PTPN3: variants seen among roughly 807,000 people sequenced by gnomAD.
PTPN3 encodes tyrosine-protein phosphatase non-receptor type 3.
In PTPN3, 96 loss-of-function variants were observed where a neutral mutation model predicts 132.7. The observed-to-expected ratio is 0.72, with a 90% confidence interval of 0.61 to 0.86. The LOEUF is 0.86. PTPN3 is among the 40% of genes least tolerant of loss of function. The pLI, the probability that PTPN3 is intolerant of heterozygous loss-of-function variation, is 0.00. For synonymous variants in PTPN3, 398 were observed against 429.0 expected, an observed-to-expected ratio of 0.93 and a Z score of 0.89; for missense variants, 1,125 against 1,159.6, an observed-to-expected ratio of 0.97 and a Z score of 0.43.
In PTPN3 at chr9:109,381,977, A is replaced by G. The variant is rs1188769490; in HGVS notation, c.2529-190T>C. On this transcript the variant is annotated intron_variant, in intron 24 of 25. Coordinates refer to ENST00000374541, the MANE Select transcript of PTPN3 (RefSeq NM_002829.4). The stretch of plus-strand genomic sequence containing the variant: ...CCTCACACATCTGAGACTGGGGGCT[A>G]GCAGGCAGTGGAAAGAGGGCCACTG... Among the ~76,000 whole-genome samples the G allele has an allele frequency of 2.0e-5, 3 of 152,352 alleles. No individual in the cohort carries two copies. In the East Asian group the frequency reaches 5.8e-4, roughly 29 times the overall value.
chr9:109,438,947 G>A (rs781481783), intron 7 of PTPN3, among the ~76,000 whole-genome samples: 1 of 152,198 alleles, frequency 6.6e-6, no homozygotes, highest in Non-Finnish European at 1.5e-5. Context: ...AATCACATTA[G>A]GGACCTGCAG....
At chr9:109,391,704 A>C (rs764380869) in intron 19 of PTPN3, 143 bp from the exon 20 acceptor site, 18 of 634,938 alleles carry the variant, frequency 2.8e-5, no homozygotes, top group Non-Finnish European at 3.8e-5. Context: ...TCTTCCCAAT[A>C]AGAAATTCTA....
intron 1 of PTPN3, among the ~76,000 whole-genome samples, chr9:109,494,987 T>C (rs1847614943): frequency 6.6e-6 from 1 of 152,102 alleles, no homozygotes; most frequent in South Asian, 2.1e-4. Context: ...TAGAACCCAT[T>C]ACCAAATCAG....
chr9:109,511,403 G>C, the PTPN3 span: 1 of 153,004 alleles, frequency 6.5e-6, no homozygotes, highest in African/African-American at 2.4e-5. Context: ...TGACTCTCTG[G>C]TGTCTACACT....
chr9:109,488,075 G>C lies in PTPN3; in HGVS notation c.-18+10144C>G, dbSNP rs142220049. On this transcript the variant is annotated intron_variant, in intron 1 of 25. Coordinates refer to ENST00000374541, the MANE Select transcript of PTPN3 (RefSeq NM_002829.4). ...TGCTTTTAAGCAGCTGTGTGGGGTC[G>C]GGGGGAGGAGGGAAGTACTTTTTTT... Among the ~76,000 whole-genome samples, 135 of 151,970 alleles carry C rather than the reference G, an allele frequency of 8.9e-4. 1 individual carries two copies. In the East Asian group the frequency reaches 0.024, roughly 27 times the overall value.
chr9:109,388,765 C>G (rs1839811645), intron 22 of PTPN3, among the ~76,000 whole-genome samples: 1 of 152,206 alleles, frequency 6.6e-6, no homozygotes, highest in Non-Finnish European at 1.5e-5. Context: ...GAAGAATGAC[C>G]TTCCTGCTGA....
intron 21 of PTPN3, 70 bp from the exon 22 acceptor site, chr9:109,389,449 C>T: frequency 6.8e-7 from 1 of 1,460,580 alleles, no homozygotes; most frequent in Non-Finnish European, 9.3e-7. Context: ...GGATTTTAAA[C>T]TATTCTACTT....
At chr9:109,408,551 A>G (rs532801148) in intron 16 of PTPN3, among the ~76,000 whole-genome samples, 174 bp from the exon 17 acceptor site, 49 of 152,122 alleles carry the variant, frequency 3.2e-4, no homozygotes, top group African/African-American at 1.1e-3. Flanking sequence ...ACGTCATTTC[A>G]GAAATATGGA....
chr9:109,412,418 G>A (rs1842157228), intron 14 of PTPN3, among the ~76,000 whole-genome samples: 1 of 150,944 alleles, frequency 6.6e-6, no homozygotes, highest in Non-Finnish European at 1.5e-5. Flanking sequence ...TCTGTTGCTA[G>A]GCTGGAATGC....
intron 25 of PTPN3, among the ~76,000 whole-genome samples, chr9:109,380,854 C>A (rs1839015717): frequency 6.6e-6 from 1 of 152,110 alleles, no homozygotes; most frequent in South Asian, 2.1e-4. Context: ...CCAGAGAAGA[C>A]ACTTCTCCAG....
chr9:109,450,594 G>A (rs531727129), intron 5 of PTPN3: 21 of 984,606 alleles, frequency 2.1e-5, no homozygotes, highest in Admixed American at 6.2e-5. Flanking sequence ...AACCCAACCC[G>A]AGCTTGGGAG....
chr9:109,445,060 C>G (rs1215704053), intron 7 of PTPN3, among the ~76,000 whole-genome samples, 180 bp downstream of exon 7: 1 of 152,228 alleles, frequency 6.6e-6, no homozygotes, highest in African/African-American at 2.4e-5. Flanking sequence ...AATCTAACAT[C>G]CCCATGCTAC....
At chr9:109,533,317 T>C in the PTPN3 span, 4 of 428,860 alleles carry the variant, frequency 9.3e-6, no homozygotes, top group African/African-American at 8.2e-5. Context: ...GCTAATTTTT[T>C]GTATTTTTAG....
intron 7 of PTPN3, among the ~76,000 whole-genome samples, chr9:109,441,179 G>C (rs1406980008): frequency 1.3e-5 from 2 of 152,156 alleles, no homozygotes; most frequent in African/African-American, 4.8e-5. Flanking sequence ...TCCTATCTGT[G>C]AGAAAGCAAC....
intron 22 of PTPN3, among the ~76,000 whole-genome samples, chr9:109,385,898 G>A (rs536151765): frequency 3.1e-4 from 47 of 152,322 alleles, no homozygotes; most frequent in African/African-American, 1.1e-3. Flanking sequence ...TTCGAGAAGA[G>A]GCTTCAGGAA....
intron 1 of PTPN3, among the ~76,000 whole-genome samples, chr9:109,475,178 T>C (rs1846595104): frequency 6.6e-6 from 1 of 152,124 alleles, no homozygotes; most frequent in South Asian, 2.1e-4. Context: ...AGACCCTTGG[T>C]GAGAAGGCCT....
upstream of PTPN3, among the ~76,000 whole-genome samples, chr9:109,502,205 T>C (rs1163694945): frequency 6.6e-6 from 1 of 152,244 alleles, no homozygotes; most frequent in East Asian, 1.9e-4. Context: ...CCAGGCACTG[T>C]ATGCAGGCAA....
At chr9:109,438,302 G>C (rs533357670) in intron 7 of PTPN3, 68 bp from the exon 8 acceptor site, 1 of 1,461,576 alleles carries the variant, frequency 6.8e-7, no homozygotes, top group South Asian at 1.2e-5. Context: ...GCATTTATAA[G>C]CATCTACAGC....
At chr9:109,403,750 T>G (rs1311305188) in intron 19 of PTPN3, among the ~76,000 whole-genome samples, 2 of 152,206 alleles carry the variant, frequency 1.3e-5, no homozygotes, top group Admixed American at 1.3e-4. Flanking sequence ...ACATTCTATT[T>G]TAATTCTGTT....
Sources: gnomAD v4.1 joint callset for allele counts (sites outside exome capture counted in the v4.1 genomes callset) on GRCh38, gnomAD v4.1.1 for gene constraint, MANE v1.5 for transcripts, NCBI Gene and HGNC (gene_info 2026-07-23, HGNC 2026-07-21) for gene names.